RFC3: variants seen among roughly 807,000 people sequenced by gnomAD.
RFC3 encodes the protein replication factor C subunit 3.
RFC3 carries 41 observed loss-of-function variants against 45.1 expected under a neutral mutation model. That is an observed-to-expected ratio of 0.91 (90% confidence interval 0.71 to 1.18). The LOEUF is 1.18. Ranked by LOEUF, RFC3 falls within the 50% of genes most tolerant of loss-of-function variation. The pLI, the probability that RFC3 is intolerant of heterozygous loss-of-function variation, is 0.00. For synonymous variants in RFC3, 149 were observed against 144.0 expected, an observed-to-expected ratio of 1.03 and a Z score of -0.25; for missense variants, 423 against 428.1, an observed-to-expected ratio of 0.99 and a Z score of 0.10.
chr13:33,819,141 C>T (rs1014793487), intron 1 of RFC3, among the ~76,000 whole-genome samples: 1 of 152,162 alleles, frequency 6.6e-6, no homozygotes, highest in African/African-American at 2.4e-5. Flanking sequence ...ATCCGCCTGC[C>T]TCGGCCTCCC....
rs903369751 is a variant in RFC3 at position 33,914,979 on chromosome 13, T to C, written c.880-51108T>C. ...CTCATTTTGATATTCTTTTATGATA[T>C]ATTAAATGTGAACACCACAAAGAAT... is the stretch of plus-strand genomic sequence containing the variant. On this transcript the variant is annotated intron_variant, in intron 8 of 8. Transcript: ENST00000434425. Among the ~76,000 whole-genome samples, 6 of 152,274 alleles carry C rather than the reference T, an allele frequency of 3.9e-5. No homozygotes were observed. The East Asian group carries it at 9.7e-4, about 25-fold the overall frequency.
At chr13:33,942,343 A>C (rs1277970836) in intron 8 of RFC3, among the ~76,000 whole-genome samples, 2 of 152,250 alleles carry the variant, frequency 1.3e-5, no homozygotes, top group African/African-American at 4.8e-5. Flanking sequence ...TCTTACGAGT[A>C]CATAATGGTT....
At chr13:33,892,829 TGAA>T (rs1329291090) in intron 8 of RFC3, among the ~76,000 whole-genome samples, 1 of 151,970 alleles carries the variant, frequency 6.6e-6, no homozygotes, top group South Asian at 2.1e-4. Flanking sequence ...CACAGAGAAA[TGAA>T]AAATCTCTGA....
rs2082153368 is a variant in RFC3 at position 33,836,255 on chromosome 13, A to G, written c.1031A>G (p.Lys344Arg). 1 of 1,613,458 alleles carries G rather than the reference A, an allele frequency of 6.2e-7. No homozygotes were observed. Among genetic ancestry groups the G allele is most frequent in the Non-Finnish European group, 8.5e-7 (1 of 1,179,472 alleles). ...AFVAKFMALY[K>R]KFMEDGLEGM... ...GTGGCCAAATTCATGGCACTTTATA[A>G]GAAGTTCATGGAGGATGGATTGGAA... Residue 344 changes from lysine to arginine, a missense_variant, in exon 9 of 9, where the codon AAG becomes AGG. Physicochemically the swap from Lys to Arg is conservative, Grantham distance 26. Transcript: ENST00000380071.
At chr13:33,971,904 G>A in the RFC3 span, among the ~76,000 whole-genome samples, 2 of 152,028 alleles carry the variant, frequency 1.3e-5, no homozygotes, top group African/African-American at 4.8e-5. Context: ...TTGAGGTCAG[G>A]AGTTCAAGAA....
At chr13:33,889,601 C>A (rs183225631) in intron 8 of RFC3, among the ~76,000 whole-genome samples, 153 of 152,228 alleles carry the variant, frequency 1.0e-3, no homozygotes, top group Non-Finnish European at 2.1e-4. Flanking sequence ...TTGAAATATG[C>A]ACAAATTGTT....
intron 8 of RFC3, among the ~76,000 whole-genome samples, chr13:33,864,668 G>A (rs1053001556): frequency 6.6e-6 from 1 of 152,092 alleles, no homozygotes; most frequent in Admixed American, 6.6e-5. Flanking sequence ...CAGTAGTCTC[G>A]AGTTTTCAAA....
At chr13:33,871,077 A>G (rs777442338) in intron 8 of RFC3, among the ~76,000 whole-genome samples, 7 of 152,174 alleles carry the variant, frequency 4.6e-5, no homozygotes, top group Non-Finnish European at 8.8e-5. Context: ...AGGCAGTGTG[A>G]CTTATTTAAA....
At chr13:33,938,426 A>G (rs909521222) in intron 8 of RFC3, among the ~76,000 whole-genome samples, 1 of 152,100 alleles carries the variant, frequency 6.6e-6, no homozygotes, top group African/African-American at 2.4e-5. Flanking sequence ...ATTTTTCACA[A>G]AGTAAAAACC....
intron 8 of RFC3, among the ~76,000 whole-genome samples, chr13:33,920,075 C>T (rs919698479): frequency 6.6e-5 from 10 of 152,160 alleles, no homozygotes; most frequent in Admixed American, 2.6e-4. Flanking sequence ...CACCCTCTCA[C>T]AGGGACTCAC....
At chr13:33,851,975 A>G (rs975262230) in intron 8 of RFC3, among the ~76,000 whole-genome samples, 16 of 152,328 alleles carry the variant, frequency 1.1e-4, no homozygotes, top group South Asian at 2.1e-4. Context: ...ATGAATTGAC[A>G]TTGATATTGT....
At chr13:33,971,039 C>A (rs774312764), downstream of RFC3, among the ~76,000 whole-genome samples, 2 of 151,752 alleles carry the variant, frequency 1.3e-5, no homozygotes, top group African/African-American at 2.4e-5. Context: ...TGATCTTTCC[C>A]CTTTTTTATT....
In RFC3 at chr13:33,818,269, A is replaced by G. The variant is rs1351978306; in HGVS notation, c.87+4A>G. On this transcript the variant is annotated splice_donor_region_variant and intron_variant, in intron 1 of 8. Coordinates refer to ENST00000380071, the MANE Select transcript of RFC3 (RefSeq NM_002915.4). ...GGCGGCCCAGCTGCGGAACCTGGTG[A>G]GTCTGCGGGGGCCGGGAGCGTGGGA... The G allele has an allele frequency of 3.7e-6, 6 of 1,612,972 alleles. No homozygotes were observed. The highest frequency in any genetic ancestry group is 2.2e-5 in the East Asian group (1 of 44,882).
chr13:33,952,832 G>T (rs1440269109), intron 8 of RFC3, among the ~76,000 whole-genome samples: 3 of 151,236 alleles, frequency 2.0e-5, no homozygotes, highest in Non-Finnish European at 3.0e-5. Context: ...TCTTAGAAAG[G>T]TTTTTTTTTC....
the RFC3 span, among the ~76,000 whole-genome samples, chr13:33,974,463 T>A: frequency 6.6e-6 from 1 of 152,146 alleles, no homozygotes; most frequent in Non-Finnish European, 1.5e-5. Context: ...TTCCCTAACC[T>A]CTACCTCTTC....
intron 8 of RFC3, among the ~76,000 whole-genome samples, chr13:33,865,984 G>A (rs753377573): frequency 1.3e-5 from 2 of 152,096 alleles, no homozygotes; most frequent in Non-Finnish European, 2.9e-5. Flanking sequence ...GCTTGAACCC[G>A]GGAGGTGGAG....
chr13:33,879,092 C>A (rs1319777433), intron 8 of RFC3, among the ~76,000 whole-genome samples: 1 of 152,088 alleles, frequency 6.6e-6, no homozygotes, highest in Non-Finnish European at 1.5e-5. Flanking sequence ...ATACATTAGA[C>A]CTAGTTTACT....
downstream of RFC3, among the ~76,000 whole-genome samples, chr13:33,967,049 C>T (rs1307783027): frequency 2.6e-5 from 4 of 151,742 alleles, no homozygotes; most frequent in East Asian, 1.9e-4. Flanking sequence ...CCCAGTTACT[C>T]GGGAGGCTGA....
chr13:33,863,269 T>C (rs575255655), intron 8 of RFC3, among the ~76,000 whole-genome samples: 12 of 55,414 alleles, frequency 2.2e-4, no homozygotes, highest in African/African-American at 4.2e-4. Flanking sequence ...ATGCACAAAA[T>C]CAGGCAGTTA....
Sources: allele counts gnomAD v4.1 joint callset (sites outside exome capture counted in the v4.1 genomes callset), GRCh38; gene constraint gnomAD v4.1.1; transcripts MANE v1.5; gene names NCBI Gene and HGNC (gene_info 2026-07-23, HGNC 2026-07-21).